The following ZNF532 variants were observed in gnomAD, a reference collection of about 807,000 sequenced individuals.
ZNF532 encodes the protein zinc finger protein 532.
A neutral mutation model predicts 89.3 loss-of-function variants in ZNF532; 22 were observed. The ratio of observed to expected loss-of-function variants is 0.25; its 90% confidence interval spans 0.18 to 0.35. ZNF532 has a LOEUF of 0.35. Among genes scored for constraint, ZNF532 ranks in the 10% least tolerant of loss-of-function variants. The pLI, the probability that ZNF532 is intolerant of heterozygous loss-of-function variation, is 1.00. For missense variants in ZNF532, 1,132 were observed against 1,643.4 expected (o/e 0.69, Z 5.38); for synonymous variants, 606 against 649.6 (o/e 0.93, Z 1.02).
Position 58,920,076 on chromosome 18 carries a change from T to C in ZNF532, c.1789T>C (p.Tyr597His). Residue 597 changes from tyrosine (Y) to histidine (H), a missense_variant, in exon 3 of 10, where the codon TAC becomes CAC. Transcript: ENST00000591808. ...GAGCAGTGTCAATCCAGTCCCTGTT[T>C]ACATCCCAAACCTCAGTCCTCCCGC... is the stretch of plus-strand genomic sequence containing the variant. The part of the protein sequence containing the change: ...VLSSVNPVPV[Y>H]IPNLSPPANA... The C allele has an allele frequency of 6.2e-7, 1 of 1,613,946 alleles. No individual in the cohort carries two copies. Among genetic ancestry groups the C allele is most frequent in the Non-Finnish European group, 8.5e-7 (1 of 1,179,868 alleles).
At chr18:58,883,161 C>G (rs1031245258) in intron 2 of ZNF532, among the ~76,000 whole-genome samples, 2 of 152,148 alleles carry the variant, frequency 1.3e-5, no homozygotes, top group Non-Finnish European at 2.9e-5. Flanking sequence ...GATTGATATA[C>G]TGATGTAATT....
intron 2 of ZNF532, among the ~76,000 whole-genome samples, chr18:58,915,538 C>T (rs2060543169): frequency 6.6e-6 from 1 of 152,180 alleles, no homozygotes; most frequent in South Asian, 2.1e-4. Flanking sequence ...CCTTCTAGAT[C>T]CTAACTCTGC....
chr18:58,893,124 G>A (rs754217537), intron 2 of ZNF532, among the ~76,000 whole-genome samples: 6 of 151,880 alleles, frequency 4.0e-5, no homozygotes, highest in Admixed American at 2.0e-4. Context: ...GATTACAGGC[G>A]TGTGCCACCG....
At chr18:58,970,977 A>T (rs1057504341) in intron 7 of ZNF532, among the ~76,000 whole-genome samples, 4 of 152,196 alleles carry the variant, frequency 2.6e-5, no homozygotes, top group Admixed American at 1.3e-4. Flanking sequence ...ACATTGCCCT[A>T]AGCTCAGAAA....
chr18:58,908,654 T>C (rs551100951), intron 2 of ZNF532, among the ~76,000 whole-genome samples: 11 of 152,244 alleles, frequency 7.2e-5, no homozygotes, highest in Non-Finnish European at 1.6e-4. Context: ...AAAGTAACTC[T>C]AATGCATAAT....
chr18:58,888,772 T>A (rs1316027328), intron 2 of ZNF532, among the ~76,000 whole-genome samples: 889 of 53,514 alleles, frequency 0.017, 65 homozygotes, highest in East Asian at 0.15. Flanking sequence ...ATATATATAA[T>A]TTATATATAT....
intron 4 of ZNF532, among the ~76,000 whole-genome samples, chr18:58,936,633 A>C (rs2146534367): frequency 6.6e-6 from 1 of 152,324 alleles, no homozygotes; most frequent in East Asian, 1.9e-4. Context: ...TTGTTAACCA[A>C]AAATTTTGTG....
intron 2 of ZNF532, among the ~76,000 whole-genome samples, chr18:58,883,457 C>G (rs890156464): frequency 5.3e-5 from 8 of 152,056 alleles, no homozygotes; most frequent in African/African-American, 1.9e-4. Flanking sequence ...TTGTCCACTC[C>G]CTCAATTAAT....
chr18:58,974,720 A>G (rs1265454249), intron 7 of ZNF532, among the ~76,000 whole-genome samples: 1 of 152,200 alleles, frequency 6.6e-6, no homozygotes, highest in Non-Finnish European at 1.5e-5. Flanking sequence ...ACTGTGGGTC[A>G]CATCCATCCA....
chr18:58,957,273 C>G (rs902153852), intron 7 of ZNF532, among the ~76,000 whole-genome samples: 1 of 151,944 alleles, frequency 6.6e-6, no homozygotes, highest in African/African-American at 2.4e-5. Context: ...TCCACCAGCC[C>G]AGAAGTCATT....
At chr18:58,901,681 C>T (rs1227181300) in intron 2 of ZNF532, among the ~76,000 whole-genome samples, 3 of 152,186 alleles carry the variant, frequency 2.0e-5, no homozygotes, top group African/African-American at 7.2e-5. Context: ...TTACAAGTGA[C>T]GATGAGTCCA....
Position 58,985,830 on chromosome 18 carries a change from T to C in ZNF532, c.*1364T>C, listed in dbSNP as rs1444948993. ...TGTATATATAGATACTTGCATGATA[T>C]ACTGTAGTCAATGTTCGGTTCCTCA... On this transcript the variant is annotated 3_prime_UTR_variant, in exon 10 of 10. Transcript: ENST00000591808. 2 of 151,524 alleles carry C rather than the reference T, an allele frequency of 1.3e-5. No homozygotes were observed. The highest frequency in any genetic ancestry group is 2.1e-4 in the South Asian group (1 of 4,730). The allele number at this position is 151,524 out of a possible 1,614,324, so 9.4% of individuals were successfully genotyped here. A position where few individuals can be genotyped will look rare whatever the true frequency, so the allele number is the denominator to read the frequency against.
At chr18:58,911,341 A>C (rs1047448659) in intron 2 of ZNF532, among the ~76,000 whole-genome samples, 2 of 152,124 alleles carry the variant, frequency 1.3e-5, no homozygotes, top group Non-Finnish European at 2.9e-5. Context: ...GCTGTGGGAG[A>C]CCTCTTGACT....
chr18:58,867,630 C>G (rs1486702520), intron 2 of ZNF532, among the ~76,000 whole-genome samples: 3 of 152,188 alleles, frequency 2.0e-5, no homozygotes, highest in Non-Finnish European at 4.4e-5. Context: ...GAGCCCAGAG[C>G]CCAGCCCCTG....
intron 3 of ZNF532, among the ~76,000 whole-genome samples, chr18:58,922,761 G>C (rs1305731169): frequency 2.6e-5 from 4 of 151,852 alleles, no homozygotes; most frequent in African/African-American, 4.8e-5. Flanking sequence ...GGCTTAGGAG[G>C]GTTCTCACTA....
intron 5 of ZNF532, among the ~76,000 whole-genome samples, chr18:58,942,295 T>G (rs144321770): frequency 2.1e-5 from 3 of 140,622 alleles, no homozygotes; most frequent in Admixed American, 1.4e-4. Flanking sequence ...GTGCTGGGAT[T>G]ACAGGCGTGA....
At chr18:58,909,016 C>T (rs2060114403) in intron 2 of ZNF532, among the ~76,000 whole-genome samples, 1 of 152,158 alleles carries the variant, frequency 6.6e-6, no homozygotes, top group South Asian at 2.1e-4. Context: ...TGCAGTGGTG[C>T]GATCTCGGCT....
At chr18:58,888,723 ATAAATT>A (rs2058509834) in intron 2 of ZNF532, among the ~76,000 whole-genome samples, 10 of 36,792 alleles carry the variant, frequency 2.7e-4, no homozygotes, top group African/African-American at 1.3e-3. Flanking sequence ...ATATATATAT[ATAAATT>A]ATATATATAT....
chr18:58,941,963 T>TCTCCCTCCCTCCCTCC (rs973464913), intron 5 of ZNF532, among the ~76,000 whole-genome samples: 2 of 106,582 alleles, frequency 1.9e-5, no homozygotes, highest in Non-Finnish European at 3.9e-5. Context: ...TCCCTCCCTC[T>TCTCCCTCCCTCCCTCC]CTCCCTCCCT....
Sources: allele counts gnomAD v4.1 joint callset (sites outside exome capture counted in the v4.1 genomes callset), GRCh38; gene constraint gnomAD v4.1.1; transcripts MANE v1.5; gene names NCBI Gene and HGNC (gene_info 2026-07-23, HGNC 2026-07-21).